The following UNC45A variants were observed in gnomAD, a reference collection of about 807,000 sequenced individuals.
The protein encoded by UNC45A is protein unc-45 homolog A.
Under a neutral mutation model 103.2 loss-of-function variants are expected in UNC45A, and 78 were observed. The ratio of observed to expected loss-of-function variants is 0.76; its 90% confidence interval spans 0.63 to 0.91. The LOEUF is 0.91. Ranked by LOEUF, UNC45A falls within the 40% of genes least tolerant of loss-of-function variation. The probability of loss-of-function intolerance (pLI) is 0.00; values close to 1 mark genes in which losing one functional copy is unlikely to be tolerated. For synonymous variants in UNC45A, 495 were observed against 504.6 expected (o/e 0.98, Z 0.25); for missense variants, 1,193 against 1,224.8 (o/e 0.97, Z 0.39).
chr15:90,942,928 G>C lies in UNC45A; in HGVS notation c.873G>C (p.Leu291=), dbSNP rs146893268. The change falls in exon 8 of 20, where the codon CTG becomes CTC. Residue 291 remains leucine (L), a synonymous_variant. Coordinates refer to ENST00000418476, the MANE Select transcript of UNC45A (RefSeq NM_018671.5). Reference sequence around the variant, plus strand: ...TGTTGCCAGATCCTGCCCGGGAGCTGAAGGTCCTCATCAGTAACCTCTTAG... The same window carrying C: ...TGTTGCCAGATCCTGCCCGGGAGCTCAAGGTCCTCATCAGTAACCTCTTAG... ...GAIIVDPARE[L]KVLISNLLDL... 14 of 1,608,760 alleles carry C rather than the reference G, an allele frequency of 8.7e-6. No individual in the cohort carries two copies. The Admixed American group carries it at 1.0e-4, about 12-fold the overall frequency.
Position 90,948,343 on chromosome 15 carries a change from G to C in UNC45A, c.1737+60G>C, listed in dbSNP as rs2036690949. 2.5e-6 allele frequency: 4 copies of C among 1,597,508 alleles called. No individual in the cohort carries two copies. The East Asian group carries it at 8.9e-5, about 36-fold the overall frequency. ...ACTGTCTAGGATTAGACCTTACCAG[G>C]CTTTCTCGGCAGGGCTTGGCCAATG... On this transcript the variant is annotated intron_variant, in intron 12 of 19. Transcript: ENST00000418476.
intron 9 of UNC45A, among the ~76,000 whole-genome samples, chr15:90,945,921 T>A (rs1178461354): frequency 0.032 from 5 of 156 alleles, no homozygotes; most frequent in African/African-American, 0.11. Flanking sequence ...ATTACAGGCA[T>A]GAGGACCGCG....
intron 8 of UNC45A, among the ~76,000 whole-genome samples, chr15:90,944,581 T>TGGTC (rs2036467750): frequency 6.6e-6 from 1 of 152,164 alleles, no homozygotes; most frequent in African/African-American, 2.4e-5. Context: ...GTGTTCACAA[T>TGGTC]GGTCCTATGA....
upstream of UNC45A, chr15:90,931,374 G>A (rs1406832767): frequency 6.4e-7 from 1 of 1,559,362 alleles, no homozygotes; most frequent in Non-Finnish European, 8.7e-7. Flanking sequence ...CTGCCCACTC[G>A]AAGTATTCCT....
chr15:90,948,990 C>A (rs2036739493), intron 13 of UNC45A, among the ~76,000 whole-genome samples, 196 bp downstream of exon 13: 1 of 151,568 alleles, frequency 6.6e-6, no homozygotes, highest in Admixed American at 6.6e-5. Context: ...CATTCTCCTG[C>A]CTCAGCCTCC....
intron 9 of UNC45A, 36 bp from the exon 10 acceptor site, chr15:90,946,578 G>T (rs750655091): frequency 6.4e-7 from 1 of 1,556,894 alleles, no homozygotes. Flanking sequence ...CTTTATGTTG[G>T]CCTTGGTGTG....
intron 10 of UNC45A, chr15:90,947,193 A>C: frequency 1.4e-5 from 6 of 415,690 alleles, no homozygotes; most frequent in Admixed American, 3.7e-5. Flanking sequence ...TCTAAAATAA[A>C]TGGATGAATG....
rs780602537 is a variant in UNC45A at position 90,946,695 on chromosome 15, CGCTG to C, written c.1284_1287del (p.Gly429ThrfsTer6). On this transcript the variant is annotated frameshift_variant, in exon 10 of 20. Transcript: ENST00000418476. LOFTEE classifies it high-confidence loss of function. ...CCTGCCTCCTGCAGGGCCCATGTGA[CGCTG>C]GCAACCGGGCCTTGGAGCTGAGCGG... 6.2e-7 allele frequency: 1 copy of C among 1,612,728 alleles called. No individual in the cohort carries two copies. Among genetic ancestry groups the C allele is most frequent in the African/African-American group, 1.3e-5 (1 of 75,022 alleles).
intron 10 of UNC45A, chr15:90,947,577 A>G: frequency 1.7e-6 from 1 of 579,420 alleles, no homozygotes; most frequent in Non-Finnish European, 3.1e-6. Context: ...CGGCCAGCGC[A>G]TCAGTGTCTG....
At chr15:90,932,084 C>T, upstream of UNC45A, 1 of 1,607,880 alleles carries the variant, frequency 6.2e-7, no homozygotes, top group Non-Finnish European at 8.5e-7. Flanking sequence ...GTGATTCCCG[C>T]CTCGTGGGTC....
At chr15:90,952,727 G>T in intron 17 of UNC45A, 1 of 578,832 alleles carries the variant, frequency 1.7e-6, no homozygotes, top group Non-Finnish European at 3.1e-6. Context: ...GCCCGGCCGA[G>T]ATGCCACGCA....
chr15:90,950,634 G>A lies in UNC45A; in HGVS notation c.2303+19G>A, dbSNP rs1362408900. ...GGCTCCGGTAAGGTCCCTTGGGATTGCGGGGCCTGGACCAGGCATCGGGAT... is the reference window on the plus strand; with the variant it reads ...GGCTCCGGTAAGGTCCCTTGGGATTACGGGGCCTGGACCAGGCATCGGGAT... On this transcript the variant is annotated intron_variant, in intron 17 of 19. Coordinates refer to ENST00000418476, the MANE Select transcript of UNC45A (RefSeq NM_018671.5). 4.3e-6 allele frequency: 7 copies of A among 1,611,224 alleles called. No homozygotes were observed. Among genetic ancestry groups the A allele is most frequent in the East Asian group, 2.2e-5 (1 of 44,872 alleles).
rs749144602 is a variant in UNC45A at position 90,948,110 on chromosome 15, TG to T, written c.1596-31del. ...GTGTACCCCTCCGTACCCCCAATCC[TG>T]AGGGTCGTCCACTATCCTGCGTGTC... On this transcript the variant is annotated intron_variant, in intron 11 of 19. Transcript: ENST00000418476. 1.9e-6 allele frequency: 3 copies of T among 1,612,538 alleles called. No homozygotes were observed. In the Admixed American group the frequency reaches 5.0e-5, roughly 27 times the overall value.
At chr15:90,951,965 C>T (rs764077952) in intron 17 of UNC45A, among the ~76,000 whole-genome samples, 7 of 152,142 alleles carry the variant, frequency 4.6e-5, no homozygotes, top group Non-Finnish European at 7.3e-5. Flanking sequence ...AGGTGTTAGC[C>T]TCACCATCAC....
chr15:90,943,997 T>TG (rs2036430426), intron 8 of UNC45A, among the ~76,000 whole-genome samples: 1 of 147,782 alleles, frequency 6.8e-6, no homozygotes, highest in Non-Finnish European at 1.5e-5. Flanking sequence ...TTTTTTTTTT[T>TG]TTTTTTTTTT....
intron 6 of UNC45A, among the ~76,000 whole-genome samples, chr15:90,941,709 C>G (rs1453429512): frequency 1.3e-5 from 2 of 152,060 alleles, no homozygotes; most frequent in Admixed American, 1.3e-4. Flanking sequence ...CCTGTAATCC[C>G]AGCACTTTGG....
intron 9 of UNC45A, 58 bp downstream of exon 9, chr15:90,945,121 C>A (rs763342389): frequency 2.5e-6 from 4 of 1,588,190 alleles, no homozygotes; most frequent in Non-Finnish European, 3.4e-6. Flanking sequence ...AGTTCTGACT[C>A]CTTGAGGAGG....
At chr15:90,944,764 T>C in intron 8 of UNC45A, 128 bp from the exon 9 acceptor site, 1 of 1,152,826 alleles carries the variant, frequency 8.7e-7, no homozygotes, top group Admixed American at 2.8e-5. Flanking sequence ...CGGGCTGCCC[T>C]GGACACAGTT....
chr15:90,944,630 G>A (rs1257571194), intron 8 of UNC45A, among the ~76,000 whole-genome samples: 1 of 152,104 alleles, frequency 6.6e-6, no homozygotes, highest in Non-Finnish European at 1.5e-5. Flanking sequence ...TACAGATGAG[G>A]AACCTCAAAA....
Sources: allele counts gnomAD v4.1 joint callset (sites outside exome capture counted in the v4.1 genomes callset), GRCh38; gene constraint gnomAD v4.1.1; transcripts MANE v1.5; gene names NCBI Gene and HGNC (gene_info 2026-07-23, HGNC 2026-07-21).